POU3F4: variants seen among roughly 807,000 people sequenced by gnomAD.
The protein encoded by POU3F4 is POU class 3 homeobox 4, also known as POU domain, class 3, transcription factor 4.
POU3F4 carries 2 observed loss-of-function variants against 15.2 expected under a neutral mutation model. That is an observed-to-expected ratio of 0.13 (90% confidence interval 0.05 to 0.42). The LOEUF is 0.42. Ranked by LOEUF, POU3F4 falls within the 10% of genes least tolerant of loss-of-function variation. The probability of loss-of-function intolerance (pLI) is 0.99; values close to 1 mark genes in which losing one functional copy is unlikely to be tolerated. For synonymous variants in POU3F4, 158 were observed against 133.3 expected (o/e 1.19, Z -1.28); for missense variants, 220 against 297.0 (o/e 0.74, Z 1.91).
rs1399825110 is a variant in POU3F4 at position 83,510,874 on chromosome X, T to A, written c.*1464T>A. On this transcript the variant is annotated 3_prime_UTR_variant, in exon 1 of 1. Coordinates refer to ENST00000644024, the MANE Select transcript of POU3F4 (RefSeq NM_000307.5). ...TGCTCAGTGCAGAACGGCAATGAAA[T>A]GATTGGCAAAGGTCACAGGGATTCT... 1 of 109,469 alleles carries A rather than the reference T, an allele frequency of 9.1e-6. No homozygotes were observed. Among genetic ancestry groups the A allele is most frequent in the African/African-American group, 3.3e-5 (1 of 29,967 alleles). 9.0% of individuals were successfully genotyped at this position (109,469 alleles called of 1,213,427 possible).
Position 83,508,320 on chromosome X carries a change from C to T in POU3F4, c.-5C>T, listed in dbSNP as rs958528979. ...ATTATAACTAGTAGGGGATCCTCAC[C>T]GACCATGGCCACAGCTGCCTCGAAT... On this transcript the variant is annotated 5_prime_UTR_variant, in exon 1 of 1. Coordinates refer to ENST00000644024, the MANE Select transcript of POU3F4 (RefSeq NM_000307.5). 2 of 1,210,627 alleles carry T rather than the reference C, an allele frequency of 1.7e-6. No individual in the cohort carries two copies. The highest frequency in any genetic ancestry group is 3.5e-5 in the African/African-American group (2 of 57,348).
Position 83,508,838 on chromosome X carries a change from C to G in POU3F4, c.514C>G (p.His172Asp), listed in dbSNP as rs754649841. 4 of 1,208,865 alleles carry G rather than the reference C, an allele frequency of 3.3e-6. No individual in the cohort carries two copies. The Admixed American group carries it at 6.6e-5, about 20-fold the overall frequency. The change falls in exon 1 of 1, where the codon CAC becomes GAC. Residue 172 changes from histidine (H) to aspartate (D), a missense_variant. By Grantham distance (81) the His-to-Asp change is moderately conservative (BLOSUM62 -1). Coordinates refer to ENST00000644024, the MANE Select transcript of POU3F4 (RefSeq NM_000307.5). ...LHPVLREPPD[H>D]GELGSHHCQD... ...CCCGGTGCTCCGAGAGCCCCCGGATCACGGCGAACTGGGCTCGCACCATTG... is the reference window on the plus strand; with the variant it reads ...CCCGGTGCTCCGAGAGCCCCCGGATGACGGCGAACTGGGCTCGCACCATTG...
At position 83,508,799 on chromosome X, in the gene POU3F4, G is replaced by A; in HGVS notation, c.475G>A (p.Ala159Thr). ...CACCCCACCTCCAGCTGCCGCCTCT[G>A]CACAGAGCCTGCACCCGGTGCTCCG... ...GLTPPPAAASAQSLHPVLREP... is the reference protein window; with the variant it reads ...GLTPPPAAASTQSLHPVLREP... The change falls in exon 1 of 1, where the codon GCA becomes ACA. Residue 159 changes from alanine (A) to threonine (T), a missense_variant. Ala to Thr is a moderately conservative substitution (Grantham distance 58). Around this residue, in one of 5 missense-constraint regions of POU3F4, gnomAD observed 161 missense variants for 154.1 expected, o/e 1.05. Transcript: ENST00000644024. 1.7e-6 allele frequency: 2 copies of A among 1,206,280 alleles called. No homozygotes were observed. The highest frequency in any genetic ancestry group is 1.8e-5 in the South Asian group (1 of 56,126).
Position 83,509,281 on chromosome X carries a change from G to A in POU3F4, c.957G>A (p.Lys319=), listed in dbSNP as rs1237652759. ...TGGCAGACAGCCTCCAGTTGGAGAA[G>A]GAAGTGGTGCGTGTCTGGTTCTGTA... ...SSLADSLQLE[K]EVVRVWFCNR... is the part of the protein sequence containing the mutation. Residue 319 remains lysine, a synonymous_variant, in exon 1 of 1, where the codon AAG becomes AAA. Coordinates refer to ENST00000644024, the MANE Select transcript of POU3F4 (RefSeq NM_000307.5). 2.5e-6 allele frequency: 3 copies of A among 1,212,203 alleles called. No homozygotes were observed. The highest frequency in any genetic ancestry group is 3.3e-6 in the Non-Finnish European group (3 of 895,554).
rs772504142 is a variant in POU3F4, at chrX:83,509,269, C to G, written c.945C>G (p.Leu315=). The G allele has an allele frequency of 8.3e-7, 1 of 1,210,541 alleles. No homozygotes were observed. The highest frequency in any genetic ancestry group is 3.0e-5 in the East Asian group (1 of 33,726). ...AGATCTCCTCGCTGGCAGACAGCCT[C>G]CAGTTGGAGAAGGAAGTGGTGCGTG... ...AQEISSLADS[L]QLEKEVVRVW... Residue 315 remains leucine (L), a synonymous_variant, in exon 1 of 1, where the codon CTC becomes CTG. Transcript: ENST00000644024.
At position 83,509,519 on chromosome X, in the gene POU3F4, C is replaced by T; in HGVS notation, c.*109C>T. ...TATTCTTTATTATTTTTCTCTCTCT[C>T]TCGTTCGCTCGCTCTCTCGTACTCT... On this transcript the variant is annotated 3_prime_UTR_variant, in exon 1 of 1. Transcript: ENST00000644024. 2 of 1,052,473 alleles carry T rather than the reference C, an allele frequency of 1.9e-6. No homozygotes were observed. The highest frequency in any genetic ancestry group is 2.6e-6 in the Non-Finnish European group (2 of 774,668). The allele number at this position is 1,052,473 out of a possible 1,213,427, so 86.7% of individuals were successfully genotyped here.
chrX:83,508,515 G>T lies in POU3F4; in HGVS notation c.191G>T (p.Gly64Val). Residue 64 changes from glycine (G) to valine (V), a missense_variant, in exon 1 of 1, where the codon GGG (glycine) becomes GTG (valine). Gly to Val is a moderately radical substitution (Grantham distance 109). Transcript: ENST00000644024. The stretch of plus-strand genomic sequence containing the variant: ...CACTGGGTGACCAGTCTGAGCGACG[G>T]GGGCCCATGGTCCTCCACACTGGCC... ...GHHWVTSLSD[G>V]GPWSSTLATS... 1 of 1,203,290 alleles carries T rather than the reference G, an allele frequency of 8.3e-7. No homozygotes were observed. The highest frequency in any genetic ancestry group is 1.1e-6 in the Non-Finnish European group (1 of 890,989).
chrX:83,509,705 T>G lies in POU3F4; in HGVS notation c.*295T>G, dbSNP rs1925869336. On this transcript the variant is annotated 3_prime_UTR_variant, in exon 1 of 1. Transcript: ENST00000644024. ...TTTTCTTTTGCTTTCCTTTCCTTTT[T>G]TTCCCTTTTCTTTCCTTTTCATAAG... is the stretch of plus-strand genomic sequence containing the variant. 5 of 356,155 alleles carry G rather than the reference T, an allele frequency of 1.4e-5. No individual in the cohort carries two copies. In the South Asian group the frequency reaches 2.3e-4, roughly 17 times the overall value. The allele number at this position is 356,155 out of a possible 1,213,427, so 29.4% of individuals were successfully genotyped here. A position where few individuals can be genotyped will look rare whatever the true frequency, so the allele number is the denominator to read the frequency against.
Position 83,508,729 on chromosome X carries a change from G to T in POU3F4, c.405G>T (p.Ser135=), listed in dbSNP as rs757689948. 2 of 1,209,301 alleles carry T rather than the reference G, an allele frequency of 1.7e-6. No homozygotes were observed. The highest frequency in any genetic ancestry group is 3.5e-5 in the South Asian group (2 of 56,420). Residue 135 remains serine (S), a synonymous_variant, in exon 1 of 1, where the codon TCG becomes TCT. Transcript: ENST00000644024. ...GCGGCCAACCCCTCAACGTGTACTC[G>T]CAGCCTGGCTTCACCGTGAGCGGCA... ...TSSGQPLNVY[S]QPGFTVSGML...
At position 83,508,636 on chromosome X, in the gene POU3F4, C is replaced by T. The variant is rs1337838543; in HGVS notation, c.312C>T (p.His104=). The T allele has an allele frequency of 3.3e-6, 4 of 1,210,298 alleles. No homozygotes were observed. The highest frequency in any genetic ancestry group is 3.0e-5 in the East Asian group (1 of 33,693). ...IHHRSPHVAH[H]SPHTNHPNAW... ...ACCGCTCGCCACACGTAGCCCACCA[C>T]TCACCGCACACTAACCACCCCAACG... is the stretch of plus-strand genomic sequence containing the variant. Residue 104 remains histidine (H), a synonymous_variant, in exon 1 of 1, where the codon CAC becomes CAT. Coordinates refer to ENST00000644024, the MANE Select transcript of POU3F4 (RefSeq NM_000307.5).
In POU3F4 at chrX:83,510,994, T is replaced by A. The variant is rs1221179310; in HGVS notation, c.*1584T>A. On this transcript the variant is annotated 3_prime_UTR_variant, in exon 1 of 1. Coordinates refer to ENST00000644024, the MANE Select transcript of POU3F4 (RefSeq NM_000307.5). ...TCTCGGCGTTTCTGATAAGCACAGC[T>A]GGTGGAAGCCCACAGCGACGATCCA... The A allele has an allele frequency of 9.1e-6, 1 of 110,150 alleles. No individual in the cohort carries two copies. Among genetic ancestry groups the A allele is most frequent in the Admixed American group, 9.6e-5 (1 of 10,374 alleles). The allele number at this position is 110,150 out of a possible 1,213,427, so 9.1% of individuals were successfully genotyped here.
In POU3F4 at chrX:83,509,634, CCCCTT is replaced by C. The variant is rs763018226; in HGVS notation, c.*242_*246del. 2,789 of 465,668 alleles carry C rather than the reference CCCCTT, an allele frequency of 6.0e-3. 18 individuals carry two copies. The highest frequency in any genetic ancestry group is 6.3e-3 in the Non-Finnish European group (1,766 of 281,338). 38.4% of individuals were successfully genotyped at this position (465,668 alleles called of 1,213,427 possible). A position where few individuals can be genotyped will look rare whatever the true frequency, so the allele number is the denominator to read the frequency against. ...CCTTTCCTTTCATTTTCTTTCCTTT[CCCCTT>C]CCCTTCCCTTCCCTTCCATCTCTTC... On this transcript the variant is annotated 3_prime_UTR_variant, in exon 1 of 1. Transcript: ENST00000644024.
At position 83,508,395 on chromosome X, in the gene POU3F4, G is replaced by C. The variant is rs748488461; in HGVS notation, c.71G>C (p.Gly24Ala). The change falls in exon 1 of 1, where the codon GGC (glycine) becomes GCC (alanine). Residue 24 changes from glycine to alanine, a missense_variant. Transcript: ENST00000644024. ...TCCCTAGTCCATGCGGACTCTGCGG[G>C]CATGCAGCAGGGGAGTCCTTTCCGC... is the stretch of plus-strand genomic sequence containing the variant. ...STSLVHADSA[G>A]MQQGSPFRNP... 1 of 1,211,976 alleles carries C rather than the reference G, an allele frequency of 8.3e-7. No homozygotes were observed. The highest frequency in any genetic ancestry group is 1.8e-5 in the South Asian group (1 of 56,957).
Position 83,510,727 on chromosome X carries a change from G to C in POU3F4, c.*1317G>C, listed in dbSNP as rs1292818813. 1 of 111,721 alleles carries C rather than the reference G, an allele frequency of 9.0e-6. No homozygotes were observed. The highest frequency in any genetic ancestry group is 3.3e-5 in the African/African-American group (1 of 30,702). 9.2% of individuals were successfully genotyped at this position (111,721 alleles called of 1,213,427 possible). ...CGCGATTACTTTCACTGGAGATCAC[G>C]ACCCGGAGACGCTGGCGACTGGGCC... is the stretch of plus-strand genomic sequence containing the variant. On this transcript the variant is annotated 3_prime_UTR_variant, in exon 1 of 1. Transcript: ENST00000644024.
In POU3F4 at chrX:83,509,170, G is replaced by T. The variant is rs1021644290; in HGVS notation, c.846G>T (p.Arg282=). Residue 282 remains arginine, a synonymous_variant, in exon 1 of 1, where the codon CGG becomes CGT. Transcript: ENST00000644024. ...CACAGGGCCGCAAGCGCAAGAAGCG[G>T]ACCTCCATCGAGGTGAGTGTCAAGG... ...IAAQGRKRKK[R]TSIEVSVKGV... is the part of the protein sequence containing the mutation. 6.6e-6 allele frequency: 8 copies of T among 1,209,951 alleles called. No individual in the cohort carries two copies. Among genetic ancestry groups the T allele is most frequent in the Non-Finnish European group, 8.9e-6 (8 of 894,957 alleles).
In POU3F4 at chrX:83,509,793, T is replaced by C. The variant is rs1223778468; in HGVS notation, c.*383T>C. On this transcript the variant is annotated 3_prime_UTR_variant, in exon 1 of 1. Transcript: ENST00000644024. ...TCTCATTCAGGCTTCTCAATGCTGA[T>C]ACACAGTTACATTAAGCAGTCCAAG... 2 of 219,641 alleles carry C rather than the reference T, an allele frequency of 9.1e-6. No individual in the cohort carries two copies. Among genetic ancestry groups the C allele is most frequent in the East Asian group, 2.7e-4 (2 of 7,401 alleles). 18.1% of individuals were successfully genotyped at this position (219,641 alleles called of 1,213,427 possible).
rs375216358 is a variant in POU3F4, at chrX:83,509,433, C to A, written c.*23C>A. 8.4e-7 allele frequency: 1 copy of A among 1,186,872 alleles called. No homozygotes were observed. On this transcript the variant is annotated 3_prime_UTR_variant, in exon 1 of 1. Transcript: ENST00000644024. ...TGACTGGAGGAAGCGAGGAGGCGGC[C>A]GGCCGCACTGGGAGCAGCGCGGATT...
At position 83,509,509 on chromosome X, in the gene POU3F4, T is replaced by TTC. The variant is rs1047441303; in HGVS notation, c.*110_*111dup. On this transcript the variant is annotated 3_prime_UTR_variant, in exon 1 of 1. Transcript: ENST00000644024. ...TTCATTCTAGTATTCTTTATTATTT[T>TTC]TCTCTCTCTCTCGTTCGCTCGCTCT... 147 of 1,099,376 alleles carry TTC rather than the reference T, an allele frequency of 1.3e-4. No homozygotes were observed. Among genetic ancestry groups the TTC allele is most frequent in the Non-Finnish European group, 1.7e-4 (136 of 816,176 alleles). The allele number at this position is 1,099,376 out of a possible 1,213,427, so 90.6% of individuals were successfully genotyped here. A position where few individuals can be genotyped will look rare whatever the true frequency, so the allele number is the denominator to read the frequency against.
rs201213510 is a variant in POU3F4, at chrX:83,509,432, C to G, written c.*22C>G. The G allele has an allele frequency of 1.4e-4, 163 of 1,185,862 alleles. 1 individual carries two copies. The East Asian group carries it at 4.4e-3, about 32-fold the overall frequency. On this transcript the variant is annotated 3_prime_UTR_variant, in exon 1 of 1. Coordinates refer to ENST00000644024, the MANE Select transcript of POU3F4 (RefSeq NM_000307.5). ...CTGACTGGAGGAAGCGAGGAGGCGG[C>G]CGGCCGCACTGGGAGCAGCGCGGAT...
Sources: gnomAD v4.1 joint callset for allele counts on GRCh38, gnomAD v4.1.1 for gene constraint, gnomAD v4.1.1 regional missense constraint, MANE v1.5 for transcripts, NCBI Gene and HGNC (gene_info 2026-07-23, HGNC 2026-07-21) for gene names.